The following CCDC7 variants were observed in gnomAD, a reference collection of about 807,000 sequenced individuals.
CCDC7 encodes the protein coiled-coil domain containing 7.
In CCDC7, 183 loss-of-function variants were observed where a neutral mutation model predicts 196.9. The ratio of observed to expected loss-of-function variants is 0.93; its 90% CI spans 0.82 to 1.05. The LOEUF is 1.05. Ranked by LOEUF, CCDC7 falls within the 50% of genes least tolerant of loss-of-function variation. The pLI is 0.00. For missense variants in CCDC7, 1,540 were observed against 1,482.2 expected (o/e 1.04, Z -0.64); for synonymous variants, 525 against 484.6 (o/e 1.08, Z -1.10).
chr10:32,692,923 G>A (rs776252704), intron 23 of CCDC7, among the ~76,000 whole-genome samples: 5 of 152,082 alleles, frequency 3.3e-5, no homozygotes, highest in Non-Finnish European at 7.4e-5. Flanking sequence ...GGACCCTGAG[G>A]CTGAGTTAGC....
intron 6 of CCDC7, among the ~76,000 whole-genome samples, chr10:32,471,760 C>CA (rs1468634947): frequency 1.3e-5 from 2 of 152,154 alleles, no homozygotes; most frequent in East Asian, 3.9e-4. Context: ...TATACATACC[C>CA]ATAGTTGGGA....
intron 41 of CCDC7, among the ~76,000 whole-genome samples, chr10:32,868,422 T>A (rs2094291168): frequency 6.6e-6 from 1 of 152,018 alleles, no homozygotes; most frequent in Non-Finnish European, 1.5e-5. Flanking sequence ...CTCTGTGACC[T>A]CAATTCTCAT....
intron 28 of CCDC7, among the ~76,000 whole-genome samples, chr10:32,775,491 A>G (rs1190246274): frequency 6.6e-6 from 1 of 152,198 alleles, no homozygotes; most frequent in African/African-American, 2.4e-5. Context: ...ACCTATAGTA[A>G]CTATCTGTTT....
intron 31 of CCDC7, among the ~76,000 whole-genome samples, chr10:32,817,061 C>T (rs2088819940): frequency 6.6e-6 from 1 of 151,900 alleles, no homozygotes; most frequent in African/African-American, 2.4e-5. Flanking sequence ...AAGTTCGAAC[C>T]CATGGCGAAG....
chr10:32,483,634 A>G (rs1461604198), intron 8 of CCDC7, among the ~76,000 whole-genome samples: 1 of 152,194 alleles, frequency 6.6e-6, no homozygotes, highest in Non-Finnish European at 1.5e-5. Context: ...TTCAGGTCTA[A>G]CATTTAAGTC....
At chr10:32,501,804 G>A (rs1204051487) in intron 9 of CCDC7, among the ~76,000 whole-genome samples, 1 of 152,198 alleles carries the variant, frequency 6.6e-6, no homozygotes, top group Non-Finnish European at 1.5e-5. Context: ...CTCCCAGTCT[G>A]GATACGTGGA....
In CCDC7 at chr10:32,557,828, A is replaced by T. The variant is rs140578007; in HGVS notation, c.1135-7730A>T. On this transcript the variant is annotated intron_variant, in intron 13 of 41. Coordinates refer to ENST00000639629, the Ensembl canonical transcript of CCDC7. ...TGCCTCAGCTTCCCAAGGAGCTAGG[A>T]TTATAAGTGTGTACCACCATGGATG... 6.0e-3 allele frequency among the ~76,000 whole-genome samples: 908 copies of T among 152,244 alleles called. 9 individuals are homozygous for T. Among genetic ancestry groups the T allele is most frequent in the African/African-American group, 0.021 (866 of 41,530 alleles).
At chr10:32,462,979 A>G in intron 4 of CCDC7, 38 bp from the exon 6 acceptor site, 1 of 1,612,616 alleles carries the variant, frequency 6.2e-7, no homozygotes, top group Non-Finnish European at 8.5e-7. Context: ...TTAAGTAGTC[A>G]CTATTTCTTT....
At chr10:32,662,631 TAAAC>T (rs1354710090) in intron 20 of CCDC7, among the ~76,000 whole-genome samples, 6 of 152,152 alleles carry the variant, frequency 3.9e-5, no homozygotes, top group Admixed American at 6.6e-5. Flanking sequence ...AGAAGGGACT[TAAAC>T]AAATGGTCCA....
At chr10:32,775,831 C>A (rs1349868655) in intron 28 of CCDC7, among the ~76,000 whole-genome samples, 1 of 151,620 alleles carries the variant, frequency 6.6e-6, no homozygotes, top group Non-Finnish European at 1.5e-5. Flanking sequence ...CACATGCACA[C>A]GTATATTTAT....
chr10:32,584,263 T>G (rs1007090335), exon 18 of CCDC7: 2 of 1,595,676 alleles, frequency 1.3e-6, no homozygotes, highest in African/African-American at 2.7e-5. Context: ...TTACAAAAGA[T>G]GACTGAAGAA....
chr10:32,621,126 T>C (rs564198759), intron 18 of CCDC7, among the ~76,000 whole-genome samples: 31 of 152,304 alleles, frequency 2.0e-4, no homozygotes, highest in African/African-American at 7.0e-4. Flanking sequence ...TTCAAGATTG[T>C]CAAGATTTAG....
intron 5 of CCDC7, among the ~76,000 whole-genome samples, chr10:32,469,188 C>T (rs1267340735): frequency 6.6e-6 from 1 of 152,278 alleles, no homozygotes; most frequent in Admixed American, 6.5e-5. Flanking sequence ...GGACAAAAAC[C>T]ACACAGTAAT....
chr10:32,483,679 G>A (rs909596740), intron 8 of CCDC7, among the ~76,000 whole-genome samples: 1 of 152,194 alleles, frequency 6.6e-6, no homozygotes. Flanking sequence ...TGTATAAGGT[G>A]TAAGGAAGGG....
intron 20 of CCDC7, among the ~76,000 whole-genome samples, chr10:32,639,818 A>G (rs1348107008): frequency 6.6e-6 from 1 of 151,826 alleles, no homozygotes; most frequent in Admixed American, 6.6e-5. Flanking sequence ...TTTAGTAGAG[A>G]TGGGGTTTCA....
chr10:32,760,442 G>A (rs996711875), intron 28 of CCDC7, among the ~76,000 whole-genome samples: 2 of 151,954 alleles, frequency 1.3e-5, no homozygotes, highest in Non-Finnish European at 2.9e-5. Context: ...CATGTCCTTT[G>A]TAGGGACATG....
At chr10:32,643,843 T>C (rs2067268984) in intron 20 of CCDC7, among the ~76,000 whole-genome samples, 1 of 133,818 alleles carries the variant, frequency 7.5e-6, no homozygotes, top group African/African-American at 4.0e-5. Flanking sequence ...TTTTTGAAAA[T>C]TAATTTTCAA....
chr10:32,788,956 G>T (rs191808548), intron 29 of CCDC7, among the ~76,000 whole-genome samples: 110 of 152,262 alleles, frequency 7.2e-4, no homozygotes, highest in African/African-American at 2.5e-3. Context: ...GGCCCAACCT[G>T]GTAGACTCAG....
At chr10:32,633,696 A>ATATATATATATGTGTGTGTG (rs779341941) in intron 18 of CCDC7, among the ~76,000 whole-genome samples, 1 of 135,158 alleles carries the variant, frequency 7.4e-6, no homozygotes, top group African/African-American at 2.8e-5. Flanking sequence ...ATATATATAT[A>ATATATATATATGTGTGTGTG]TGTGTGTGTG....
Sources: gnomAD v4.1 joint callset for allele counts (sites outside exome capture counted in the v4.1 genomes callset) on GRCh38, gnomAD v4.1.1 for gene constraint, MANE v1.5 for transcripts, NCBI Gene and HGNC (gene_info 2026-07-23, HGNC 2026-07-21) for gene names.